The following AP1S3 variants were observed in gnomAD, a reference collection of about 807,000 sequenced individuals.
The protein encoded by AP1S3 is adaptor related protein complex 1 subunit sigma 3, also known as AP-1 complex subunit sigma-3.
In AP1S3, 10 loss-of-function variants were observed where a neutral mutation model predicts 20.9. The ratio of observed to expected loss-of-function variants is 0.48; its 90% CI spans 0.29 to 0.81. The LOEUF (loss-of-function observed/expected upper bound fraction) is 0.81. Among genes scored for constraint, AP1S3 ranks in the 30% least tolerant of loss-of-function variants. The pLI, the probability that AP1S3 is intolerant of heterozygous loss-of-function variation, is 0.08. For missense variants in AP1S3, 154 were observed against 183.8 expected, an observed-to-expected ratio of 0.84 and a Z score of 0.94; for synonymous variants, 41 against 61.5, an observed-to-expected ratio of 0.67 and a Z score of 1.56.
At chr2:223,776,702 C>T (rs891485412) in intron 2 of AP1S3, among the ~76,000 whole-genome samples, 1 of 152,070 alleles carries the variant, frequency 6.6e-6, no homozygotes. Flanking sequence ...ATTATGTTAC[C>T]TCTCAGGCTT....
chr2:223,773,377 C>G (rs1485974385), intron 3 of AP1S3: 1 of 1,301,638 alleles, frequency 7.7e-7, no homozygotes, highest in African/African-American at 1.5e-5. Context: ...AAGGAAAGTA[C>G]AAAAATGTGA....
chr2:223,829,984 C>T (rs776285481), intron 1 of AP1S3, among the ~76,000 whole-genome samples: 14 of 152,132 alleles, frequency 9.2e-5, no homozygotes, highest in East Asian at 3.9e-4. Flanking sequence ...TGGCCTTTTA[C>T]GGAGAAAGTT....
intron 3 of AP1S3, among the ~76,000 whole-genome samples, chr2:223,774,666 TA>T (rs1178061503): frequency 1.3e-5 from 2 of 152,038 alleles, no homozygotes; most frequent in Non-Finnish European, 2.9e-5. Flanking sequence ...CAAGTGAACC[TA>T]TATTAGTGAG....
chr2:223,797,801 G>A (rs1023588341), intron 1 of AP1S3, among the ~76,000 whole-genome samples: 49 of 152,116 alleles, frequency 3.2e-4, no homozygotes, highest in African/African-American at 1.2e-3. Flanking sequence ...ATAAAACCTT[G>A]TTCAAGCTAA....
chr2:223,769,317 T>G (rs1690553082), intron 3 of AP1S3, among the ~76,000 whole-genome samples: 1 of 152,230 alleles, frequency 6.6e-6, no homozygotes, highest in African/African-American at 2.4e-5. Context: ...TCCAAAGTAG[T>G]CTATAAAACT....
At position 223,837,482 on chromosome 2, in the gene AP1S3, G is replaced by C; in HGVS notation, c.-32C>G. On this transcript the variant is annotated 5_prime_UTR_variant, in exon 1 of 5. Transcript: ENST00000396654. ...TGGGCCGCCGCCTCCCCCGCCTTGC[G>C]AGCAAGGAGCGCTGGAGAAGCGAGG... is the stretch of plus-strand genomic sequence containing the variant. 1 of 1,279,306 alleles carries C rather than the reference G, an allele frequency of 7.8e-7. No individual in the cohort carries two copies. Among genetic ancestry groups the C allele is most frequent in the Middle Eastern group, 2.9e-4 (1 of 3,438 alleles). The allele number at this position is 1,279,306 out of a possible 1,614,324, so 79.2% of individuals were successfully genotyped here.
At chr2:223,837,333 G>T in intron 1 of AP1S3, 115 bp downstream of exon 1, 1 of 460,556 alleles carries the variant, frequency 2.2e-6, no homozygotes, top group South Asian at 1.0e-4. Flanking sequence ...GTGGCCAGGC[G>T]GGACTCGGCC....
At chr2:223,835,597 G>A (rs992867817) in intron 1 of AP1S3, among the ~76,000 whole-genome samples, 1 of 152,204 alleles carries the variant, frequency 6.6e-6, no homozygotes, top group Non-Finnish European at 1.5e-5. Context: ...GGAGGTTGCA[G>A]TGAGCCAAGA....
chr2:223,764,082 C>T (rs1690422510), intron 4 of AP1S3, among the ~76,000 whole-genome samples: 2 of 152,120 alleles, frequency 1.3e-5, no homozygotes, highest in South Asian at 4.1e-4. Context: ...CCATGCCCGG[C>T]TAATTTTTGT....
At chr2:223,832,135 C>CTGTGTGTGTGTGTGTG (rs774812162) in intron 1 of AP1S3, among the ~76,000 whole-genome samples, 12 of 70,780 alleles carry the variant, frequency 1.7e-4, no homozygotes, top group East Asian at 9.1e-4. Context: ...AGTTTTCTCT[C>CTGTGTGTGTGTGTGTG]TGTGTGTGTG....
At chr2:223,791,797 C>T (rs1480218771) in intron 1 of AP1S3, among the ~76,000 whole-genome samples, 1 of 152,060 alleles carries the variant, frequency 6.6e-6, no homozygotes, top group Non-Finnish European at 1.5e-5. Context: ...CATCTCAGCC[C>T]AAAAGCATAT....
chr2:223,820,267 G>A (rs74628790), intron 1 of AP1S3, among the ~76,000 whole-genome samples: 10,886 of 152,022 alleles, frequency 0.072, 638 homozygotes, highest in South Asian at 0.19. Flanking sequence ...TGAAGTTTTC[G>A]CATTTAGGTC....
intron 1 of AP1S3, among the ~76,000 whole-genome samples, chr2:223,819,098 G>T (rs1449657868): frequency 6.6e-6 from 1 of 152,196 alleles, no homozygotes; most frequent in Non-Finnish European, 1.5e-5. Flanking sequence ...GAGGGTGCAT[G>T]TGAAATAAAT....
chr2:223,837,433 T>C lies in AP1S3; in HGVS notation c.3+15A>G, dbSNP rs1293720092. On this transcript the variant is annotated intron_variant, in intron 1 of 4. Transcript: ENST00000396654. ...CCCCACCGCCTACCCGGGCCGGCGG[T>C]TCCCCCGCACTCACCATCGTGGCTG... 8.3e-7 allele frequency: 1 copy of C among 1,201,136 alleles called. No homozygotes were observed. Among genetic ancestry groups the C allele is most frequent in the Middle Eastern group, 3.3e-4 (1 of 3,064 alleles). 74.4% of individuals were successfully genotyped at this position (1,201,136 alleles called of 1,614,324 possible). A position where few individuals can be genotyped will look rare whatever the true frequency, so the allele number is the denominator to read the frequency against.
chr2:223,774,415 G>C (rs1690712361), intron 3 of AP1S3, among the ~76,000 whole-genome samples: 1 of 130,868 alleles, frequency 7.6e-6, no homozygotes, highest in Non-Finnish European at 1.8e-5. Context: ...AATAAATAAG[G>C]GTAGTGTATC....
chr2:223,784,502 G>C (rs1189076148), intron 1 of AP1S3, among the ~76,000 whole-genome samples: 1 of 151,992 alleles, frequency 6.6e-6, no homozygotes, highest in Non-Finnish European at 1.5e-5. Context: ...TTGAGAGCAC[G>C]GCATCGTCAC....
At chr2:223,763,667 CA>C (rs1690411444) in intron 4 of AP1S3, among the ~76,000 whole-genome samples, 1 of 152,152 alleles carries the variant, frequency 6.6e-6, no homozygotes, top group African/African-American at 2.4e-5. Context: ...TTTTTGAGGT[CA>C]GACACCTCTG....
Position 223,765,086 on chromosome 2 carries a change from T to C in AP1S3, c.429+127A>G, listed in dbSNP as rs1030662782. The C allele has an allele frequency of 6.5e-5, 87 of 1,343,520 alleles. No homozygotes were observed. The African/African-American group carries it at 1.1e-3, about 17-fold the overall frequency. The allele number at this position is 1,343,520 out of a possible 1,614,324, so 83.2% of individuals were successfully genotyped here. Reference sequence around the variant, plus strand: ...TGAGGATTAAATAAGCTAATACATATAAATAGTTTAGAAACTGTACCCAGC... The same window carrying C: ...TGAGGATTAAATAAGCTAATACATACAAATAGTTTAGAAACTGTACCCAGC... On this transcript the variant is annotated intron_variant, in intron 4 of 4. Coordinates refer to ENST00000396654, the MANE Select transcript of AP1S3 (RefSeq NM_001039569.2).
rs563970555 is a variant in AP1S3, at chr2:223,818,864, A to G, written c.3+18584T>C. Among the ~76,000 whole-genome samples the G allele has an allele frequency of 6.1e-4, 93 of 152,296 alleles. 1 individual carries two copies. Among genetic ancestry groups the G allele is most frequent in the Admixed American group, 1.4e-3 (21 of 15,304 alleles). ...CCACTGCACCAGGCCAAATTTTCAA[A>G]GTTGTTCTTACACCAGAAATCCTGA... On this transcript the variant is annotated intron_variant, in intron 1 of 4. Transcript: ENST00000396654.
Sources: gnomAD v4.1 joint callset for allele counts (sites outside exome capture counted in the v4.1 genomes callset) on GRCh38, gnomAD v4.1.1 for gene constraint, MANE v1.5 for transcripts, NCBI Gene and HGNC (gene_info 2026-07-23, HGNC 2026-07-21) for gene names.